Variants in HTT observed in about 807,000 individuals in gnomAD.
HTT encodes huntington disease protein.
Under a neutral mutation model 362.3 loss-of-function variants are expected in HTT, and 104 were observed. The ratio of observed to expected loss-of-function variants is 0.29; its 90% CI spans 0.24 to 0.34. The LOEUF (loss-of-function observed/expected upper bound fraction) is 0.34. HTT is among the 10% of genes least tolerant of loss of function. The probability of loss-of-function intolerance (pLI) is 1.00; values close to 1 mark genes in which losing one functional copy is unlikely to be tolerated. For synonymous variants in HTT, 1,577 were observed against 1,548.7 expected, an observed-to-expected ratio of 1.02 and a Z score of -0.43; for missense variants, 3,301 against 3,928.6, an observed-to-expected ratio of 0.84 and a Z score of 4.27.
intron 60 of HTT, among the ~76,000 whole-genome samples, chr4:3,231,405 C>T (rs1721241752): frequency 6.6e-6 from 1 of 152,158 alleles, no homozygotes; most frequent in Non-Finnish European, 1.5e-5. Flanking sequence ...CCCCACCTGA[C>T]AAGGCCAAGG....
intron 51 of HTT, among the ~76,000 whole-genome samples, chr4:3,216,981 C>T (rs192052381): frequency 5.8e-4 from 87 of 150,946 alleles, no homozygotes; most frequent in African/African-American, 1.6e-3. Flanking sequence ...GCCGAGATCC[C>T]GCCACTGCAC....
intron 1 of HTT, among the ~76,000 whole-genome samples, chr4:3,077,106 A>G (rs1299921583): frequency 6.6e-6 from 1 of 152,036 alleles, no homozygotes; most frequent in Admixed American, 6.6e-5. Context: ...TGAACCCGGG[A>G]GGCAGAGTCT....
intron 29 of HTT, 117 bp downstream of exon 29, chr4:3,160,509 C>T (rs1717387992): frequency 2.8e-6 from 2 of 719,476 alleles, no homozygotes; most frequent in Admixed American, 2.1e-5. Context: ...GAGACTCCTC[C>T]CTGCCCCACG....
In HTT at chr4:3,239,035, A is replaced by G. The variant is rs1721682354; in HGVS notation, c.9215+57A>G. On this transcript the variant is annotated intron_variant, in intron 66 of 66. Coordinates refer to ENST00000355072, the MANE Select transcript of HTT (RefSeq NM_001388492.1). ...GTTTCCCTTGTCAACACCGAGGCTC[A>G]TGTTTCATGATAAGGTTTTGAAACC... The G allele has an allele frequency of 1.1e-5, 16 of 1,508,266 alleles. No individual in the cohort carries two copies. In the South Asian group the frequency reaches 1.7e-4, roughly 16 times the overall value. The allele number at this position is 1,508,266 out of a possible 1,614,324, so 93.4% of individuals were successfully genotyped here.
Position 3,223,441 on chromosome 4 carries a change from C to T in HTT, c.7506C>T (p.Ala2502=), listed in dbSNP as rs182132217. 156 of 1,607,352 alleles carry T rather than the reference C, an allele frequency of 9.7e-5. 1 individual carries two copies. In the East Asian group the frequency reaches 3.0e-3, roughly 31 times the overall value. Residue 2502 remains alanine, a synonymous_variant, in exon 55 of 67, where the codon GCC becomes GCT. Coordinates refer to ENST00000355072, the MANE Select transcript of HTT (RefSeq NM_001388492.1). The part of the protein sequence containing the change: ...DTERTQINVL[A]VQAITSLVLS... Reference sequence around the variant, plus strand: ...AGAGGACCCAGATCAACGTCCTGGCCGTGCAGGCCATCACCTCACTGGTGC... The same window carrying T: ...AGAGGACCCAGATCAACGTCCTGGCTGTGCAGGCCATCACCTCACTGGTGC...
rs151313825 is a variant in HTT at position 3,235,065 on chromosome 4, T to C, written c.8457-219T>C. Reference sequence around the variant, plus strand: ...TGAGTTAGGCCGAGAGGGCAGGGCGTTGGGGAGGTAGACGGGCTCAGCCAC... The same window carrying C: ...TGAGTTAGGCCGAGAGGGCAGGGCGCTGGGGAGGTAGACGGGCTCAGCCAC... On this transcript the variant is annotated intron_variant, in intron 61 of 66. Transcript: ENST00000355072. Among the ~76,000 whole-genome samples the C allele has an allele frequency of 1.4e-3, 213 of 152,004 alleles. 1 individual carries two copies. The highest frequency in any genetic ancestry group is 4.9e-3 in the African/African-American group (205 of 41,434).
At chr4:3,210,312 C>T (rs1409965589) in intron 47 of HTT, among the ~76,000 whole-genome samples, 1 of 152,186 alleles carries the variant, frequency 6.6e-6, no homozygotes, top group African/African-American at 2.4e-5. Context: ...ATGTTATCAT[C>T]TAAGCTCCAT....
At chr4:3,217,432 G>A (rs999338607) in intron 51 of HTT, among the ~76,000 whole-genome samples, 3 of 152,340 alleles carry the variant, frequency 2.0e-5, no homozygotes, top group African/African-American at 7.2e-5. Flanking sequence ...CAGAGGAGGT[G>A]TCCTAAAGGA....
At chr4:3,191,262 C>A (rs993279006) in intron 40 of HTT, among the ~76,000 whole-genome samples, 1 of 151,974 alleles carries the variant, frequency 6.6e-6, no homozygotes, top group Admixed American at 6.6e-5. Context: ...CAACCTCTGC[C>A]TCCCAGGTTC....
At chr4:3,080,278 A>G (rs1173258200) in intron 1 of HTT, among the ~76,000 whole-genome samples, 2 of 152,050 alleles carry the variant, frequency 1.3e-5, no homozygotes, top group Non-Finnish European at 2.9e-5. Context: ...TGTTTTTAGT[A>G]GAGATGGGGT....
chr4:3,161,684 A>G (rs1717454234), intron 29 of HTT, among the ~76,000 whole-genome samples: 1 of 152,042 alleles, frequency 6.6e-6, no homozygotes, highest in Non-Finnish European at 1.5e-5. Flanking sequence ...GGTGATGAGC[A>G]TTTTTTCGTA....
intron 26 of HTT, among the ~76,000 whole-genome samples, chr4:3,151,231 AC>A (rs1716872328): frequency 6.6e-6 from 1 of 152,170 alleles, no homozygotes; most frequent in African/African-American, 2.4e-5. Flanking sequence ...TAATTGGCTC[AC>A]AGTTCTGCAG....
chr4:3,097,408 G>A (rs550006803), intron 2 of HTT, among the ~76,000 whole-genome samples: 2 of 152,292 alleles, frequency 1.3e-5, no homozygotes, highest in East Asian at 3.9e-4. Context: ...GAGGTGGACA[G>A]ATCACCTGAG....
Position 3,175,018 on chromosome 4 carries a change from A to G in HTT, c.4318A>G (p.Thr1440Ala). Reference protein sequence around the residue: ...IKALKQYTTTTCVQLQKQVLD... With the variant: ...IKALKQYTTTACVQLQKQVLD... Reference sequence around the variant, plus strand: ...AGCTTTAAAACAGTACACGACTACAACATGTGTGCAGTTACAGAAGCAGGT... The same window carrying G: ...AGCTTTAAAACAGTACACGACTACAGCATGTGTGCAGTTACAGAAGCAGGT... The change falls in exon 33 of 67, where the codon ACA becomes GCA. Residue 1440 changes from threonine to alanine, a missense_variant. Around this residue, in one of 4 missense-constraint regions of HTT, gnomAD observed 2,316 missense variants for 2,658.5 expected, o/e 0.87. Transcript: ENST00000355072. 6.2e-7 allele frequency: 1 copy of G among 1,613,180 alleles called. No individual in the cohort carries two copies. Among genetic ancestry groups the G allele is most frequent in the Non-Finnish European group, 8.5e-7 (1 of 1,179,100 alleles).
chr4:3,159,631 C>A (rs1324207453), intron 28 of HTT, among the ~76,000 whole-genome samples: 4 of 152,226 alleles, frequency 2.6e-5, no homozygotes, highest in Non-Finnish European at 4.4e-5. Flanking sequence ...GAAAGCTTCT[C>A]TTTCACAAGG....
rs193132977 is a variant in HTT, at chr4:3,105,245, G to A, written c.529-112G>A. 8.9e-5 allele frequency: 63 copies of A among 706,920 alleles called. 2 individuals are homozygous for A. The Admixed American group carries it at 1.0e-3, about 11-fold the overall frequency. The allele number at this position is 706,920 out of a possible 1,614,324, so 43.8% of individuals were successfully genotyped here. The stretch of plus-strand genomic sequence containing the variant: ...ACCAGATGTTTTATGCATTTAAATG[G>A]CCTTTTCTCTAAAATTAGAAAGTAA... On this transcript the variant is annotated intron_variant, in intron 4 of 66. Transcript: ENST00000355072.
intron 2 of HTT, among the ~76,000 whole-genome samples, chr4:3,095,511 CTG>C (rs1578493750): frequency 1.3e-5 from 2 of 152,132 alleles, no homozygotes; most frequent in African/African-American, 4.8e-5. Context: ...CAGAGGGAGA[CTG>C]TGCGAGGGCG....
intron 4 of HTT, among the ~76,000 whole-genome samples, chr4:3,104,321 T>C (rs1324259273): frequency 6.7e-6 from 1 of 148,562 alleles, no homozygotes; most frequent in East Asian, 2.2e-4. Context: ...TTAAAATAAC[T>C]AAAACAGTCA....
At chr4:3,158,133 G>A (rs1405273428) in intron 28 of HTT, among the ~76,000 whole-genome samples, 1 of 152,042 alleles carries the variant, frequency 6.6e-6, no homozygotes, top group Non-Finnish European at 1.5e-5. Flanking sequence ...ACCGGCATGT[G>A]CCACCACACC....
Sources: allele counts gnomAD v4.1 joint callset (sites outside exome capture counted in the v4.1 genomes callset), GRCh38; gene constraint gnomAD v4.1.1; regional missense constraint gnomAD v4.1.1; transcripts MANE v1.5; gene names NCBI Gene and HGNC (gene_info 2026-07-23, HGNC 2026-07-21).